ZNF536: variants seen among roughly 807,000 people sequenced by gnomAD.
ZNF536 encodes the protein zinc finger protein 536.
Under a neutral mutation model 84.5 loss-of-function variants are expected in ZNF536, and 13 were observed. The ratio of observed to expected loss-of-function variants is 0.15; its 90% confidence interval spans 0.10 to 0.24. The LOEUF is 0.24. Among genes scored for constraint, ZNF536 ranks in the 10% least tolerant of loss-of-function variants. The pLI, the probability that ZNF536 is intolerant of heterozygous loss-of-function variation, is 1.00. For synonymous variants in ZNF536, 811 were observed against 742.5 expected (o/e 1.09, Z -1.50); for missense variants, 1,536 against 1,747.5 (o/e 0.88, Z 2.16).
At chr19:30,673,983 G>C (rs138169378) in intron 1 of ZNF536, among the ~76,000 whole-genome samples, 226 of 152,336 alleles carry the variant, frequency 1.5e-3, no homozygotes, top group African/African-American at 5.1e-3. Flanking sequence ...GGTTCCATCA[G>C]CTGTCAATAA....
intron 2 of ZNF536, among the ~76,000 whole-genome samples, chr19:30,284,487 T>A (rs1474427535): frequency 1.3e-5 from 2 of 152,186 alleles, no homozygotes; most frequent in African/African-American, 4.8e-5. Context: ...AGTGACCTCG[T>A]CCAAGTGCCA....
intron 2 of ZNF536, among the ~76,000 whole-genome samples, chr19:30,325,057 G>T (rs149610482): frequency 1.3e-5 from 2 of 152,310 alleles, no homozygotes; most frequent in Admixed American, 6.5e-5. Context: ...TTGGCCTGGG[G>T]AGCCTTGCAG....
At chr19:30,229,010 C>T (rs966115770) in intron 1 of ZNF536, among the ~76,000 whole-genome samples, 4 of 152,024 alleles carry the variant, frequency 2.6e-5, no homozygotes, top group Admixed American at 1.3e-4. Flanking sequence ...CAGTGGCCGC[C>T]GCTGAGGGCA....
At chr19:30,478,056 C>T (rs1367843325) in intron 2 of ZNF536, among the ~76,000 whole-genome samples, 10 of 152,040 alleles carry the variant, frequency 6.6e-5, no homozygotes, top group African/African-American at 1.7e-4. Flanking sequence ...CTGCAGACCT[C>T]GGCGTCCTTG....
intron 1 of ZNF536, among the ~76,000 whole-genome samples, chr19:30,383,861 TCCTTCCTTCCTC>T (rs1364795232): frequency 4.7e-5 from 6 of 128,992 alleles, no homozygotes. Context: ...CTTCCTTCCT[TCCTTCCTTCCTC>T]CCCCCTCCCT....
chr19:30,393,033 C>T (rs1365394729), intron 1 of ZNF536, among the ~76,000 whole-genome samples: 3 of 152,164 alleles, frequency 2.0e-5, no homozygotes, highest in Non-Finnish European at 4.4e-5. Context: ...ATATTAACGA[C>T]ACCTACTGTG....
chr19:30,382,515 G>A (rs1047332685), intron 1 of ZNF536, among the ~76,000 whole-genome samples: 2 of 152,038 alleles, frequency 1.3e-5, no homozygotes, highest in African/African-American at 2.4e-5. Flanking sequence ...TAGGGATACA[G>A]TTAATTTTTT....
At chr19:30,620,862 C>T (rs888665984) in intron 1 of ZNF536, among the ~76,000 whole-genome samples, 1 of 150,586 alleles carries the variant, frequency 6.6e-6, no homozygotes, top group Admixed American at 6.6e-5. Flanking sequence ...TGTGCTACCC[C>T]AATTCTGGCA....
chr19:30,459,642 T>A (rs1014106230), intron 2 of ZNF536, among the ~76,000 whole-genome samples: 1 of 152,160 alleles, frequency 6.6e-6, no homozygotes, highest in African/African-American at 2.4e-5. Context: ...TGTGCCACTG[T>A]ACCTGGCCTG....
intron 1 of ZNF536, among the ~76,000 whole-genome samples, chr19:30,570,900 A>T (rs1181477342): frequency 6.6e-6 from 1 of 152,146 alleles, no homozygotes; most frequent in Admixed American, 6.5e-5. Flanking sequence ...CATGGAGGGA[A>T]TATGCCCAAT....
Position 30,460,931 on chromosome 19 carries a change from G to A in ZNF536, c.2170+15199G>A, listed in dbSNP as rs570469981. Among the ~76,000 whole-genome samples, 14 of 152,262 alleles carry A rather than the reference G, an allele frequency of 9.2e-5. No homozygotes were observed. In the South Asian group the frequency reaches 2.7e-3, roughly 29 times the overall value. On this transcript the variant is annotated intron_variant, in intron 2 of 4. Coordinates refer to ENST00000355537, the MANE Select transcript of ZNF536 (RefSeq NM_014717.3). ...TCCTTGCACCTCCTTCTCCTTCACTGCCTCTTCCCCAGGTAGAAACAAGAT... is the reference window on the plus strand; with the variant it reads ...TCCTTGCACCTCCTTCTCCTTCACTACCTCTTCCCCAGGTAGAAACAAGAT...
intron 1 of ZNF536, among the ~76,000 whole-genome samples, chr19:30,629,922 C>T (rs914975665): frequency 2.0e-5 from 3 of 152,226 alleles, no homozygotes; most frequent in African/African-American, 4.8e-5. Context: ...ATCTGAGCAA[C>T]CCCGTGCCAT....
rs150320812 is a variant in ZNF536, at chr19:30,568,873, C to G, written c.169+19359C>G. Among the ~76,000 whole-genome samples the G allele has an allele frequency of 6.6e-4, 100 of 152,342 alleles. 2 individuals carry two copies. Among genetic ancestry groups the G allele is most frequent in the African/African-American group, 2.4e-3 (99 of 41,578 alleles). On this transcript the variant is annotated intron_variant, in intron 1 of 1. Coordinates refer to the ZNF536 transcript ENST00000592773. ...AGGGATGGGCAGCAGGTCACAGGACCATGGTCTTCACCAGCCCTGCCTCTC... is the reference window on the plus strand; with the variant it reads ...AGGGATGGGCAGCAGGTCACAGGACGATGGTCTTCACCAGCCCTGCCTCTC...
At chr19:30,268,747 C>T (rs1171560694) in intron 1 of ZNF536, among the ~76,000 whole-genome samples, 1 of 152,166 alleles carries the variant, frequency 6.6e-6, no homozygotes, top group Non-Finnish European at 1.5e-5. Context: ...GAGAATGAAG[C>T]GAACATTCCT....
In ZNF536 at chr19:30,444,030, G is replaced by A. The variant is rs2052192949; in HGVS notation, c.468G>A (p.Lys156=). ...SLHMRTHTGE[K]PFKCPYCDHR... ...ACATGCGCACGCACACGGGCGAGAA[G>A]CCCTTCAAGTGCCCGTACTGCGACC... The change falls in exon 2 of 5, where the codon AAG becomes AAA. Residue 156 remains lysine, a synonymous_variant. Transcript: ENST00000355537. 2 of 1,613,672 alleles carry A rather than the reference G, an allele frequency of 1.2e-6. No individual in the cohort carries two copies. The highest frequency in any genetic ancestry group is 1.7e-6 in the Non-Finnish European group (2 of 1,180,028).
intron 3 of ZNF536, among the ~76,000 whole-genome samples, chr19:30,353,675 C>T (rs188844082): frequency 3.9e-4 from 60 of 152,194 alleles, no homozygotes; most frequent in Middle Eastern, 3.4e-3. Flanking sequence ...ATTTTTGGTT[C>T]CATAGCTGTT....
intron 1 of ZNF536, among the ~76,000 whole-genome samples, chr19:30,388,568 C>T (rs2049444392): frequency 6.6e-6 from 1 of 152,182 alleles, no homozygotes. Context: ...CGCCTCGTCC[C>T]TCCTGTGCTT....
rs571687451 is a variant in ZNF536 at position 30,338,409 on chromosome 19, AATG to A, written c.-119-13951_-119-13949del. Among the ~76,000 whole-genome samples the A allele has an allele frequency of 1.6e-3, 250 of 151,790 alleles. 1 individual carries two copies. The highest frequency in any genetic ancestry group is 5.4e-3 in the African/African-American group (223 of 41,342). ...TGATGATGGTGGTGATGATGACAGT[AATG>A]ATGATGAAGATGATTTGATGATGAT... On this transcript the variant is annotated intron_variant, in intron 2 of 5. Coordinates refer to the ZNF536 transcript ENST00000585628.
chr19:30,286,818 A>G lies in ZNF536; in HGVS notation c.-120+2677A>G, dbSNP rs537217716. ...GATAATGAGGAATAAAGCTTCTGTCATAAAAATATTGCCTGCAGTATTTGC... is the reference window on the plus strand; with the variant it reads ...GATAATGAGGAATAAAGCTTCTGTCGTAAAAATATTGCCTGCAGTATTTGC... On this transcript the variant is annotated intron_variant, in intron 2 of 5. Transcript: ENST00000585628. 3.3e-5 allele frequency among the ~76,000 whole-genome samples: 5 copies of G among 152,360 alleles called. No homozygotes were observed. In the South Asian group the frequency reaches 8.3e-4, roughly 25 times the overall value.
Sources: gnomAD v4.1 joint callset for allele counts (sites outside exome capture counted in the v4.1 genomes callset) on GRCh38, gnomAD v4.1.1 for gene constraint, MANE v1.5 for transcripts, NCBI Gene and HGNC (gene_info 2026-07-23, HGNC 2026-07-21) for gene names.